Variants in SHANK2 observed in about 807,000 individuals in gnomAD.
SHANK2 encodes SH3 and multiple ankyrin repeat domains protein 2.
Under a neutral mutation model 133.7 loss-of-function variants are expected in SHANK2, and 43 were observed. That is an observed-to-expected ratio of 0.32 (90% CI 0.25 to 0.41). The LOEUF is 0.41. Ranked by LOEUF, SHANK2 falls within the 10% of genes least tolerant of loss-of-function variation. SHANK2 has a pLI of 1.00. For missense variants in SHANK2, 1,994 were observed against 2,235.8 expected (o/e 0.89, Z 2.18); for synonymous variants, 1,017 against 952.8 (o/e 1.07, Z -1.24).
At chr11:70,579,956 C>T (rs1318717742) in intron 17 of SHANK2, among the ~76,000 whole-genome samples, 2 of 152,224 alleles carry the variant, frequency 1.3e-5, no homozygotes, top group African/African-American at 4.8e-5. Flanking sequence ...GGCAAGGAAA[C>T]AGGCTCTCCT....
chr11:70,858,790 C>G (rs2135493192), intron 11 of SHANK2, among the ~76,000 whole-genome samples: 1 of 152,342 alleles, frequency 6.6e-6, no homozygotes, highest in Non-Finnish European at 1.5e-5. Context: ...TATGCACCTC[C>G]CACTCACACC....
intron 17 of SHANK2, among the ~76,000 whole-genome samples, chr11:70,514,291 T>C (rs567253296): frequency 2.6e-4 from 40 of 152,286 alleles, no homozygotes; most frequent in African/African-American, 9.6e-4. Context: ...TGGTGAAAAT[T>C]CTTTAAAGAA....
intron 3 of SHANK2, among the ~76,000 whole-genome samples, chr11:71,125,734 T>C (rs1207149301): frequency 2.0e-5 from 3 of 152,200 alleles, no homozygotes; most frequent in Non-Finnish European, 1.5e-5. Flanking sequence ...AGATTTTCAA[T>C]GTAGACAAGA....
chr11:70,646,121 A>G (rs782444918), intron 17 of SHANK2: 3 of 152,392 alleles, frequency 2.0e-5, no homozygotes, highest in Non-Finnish European at 4.4e-5. Context: ...GCATGCTGGT[A>G]GCCTGTGGCG....
intron 14 of SHANK2, among the ~76,000 whole-genome samples, chr11:70,736,320 T>C (rs966368082): frequency 2.6e-5 from 4 of 152,136 alleles, no homozygotes; most frequent in Non-Finnish European, 4.4e-5. Context: ...CCAAAAGATG[T>C]GACTGTACCC....
chr11:70,912,428 G>A (rs1000850237), intron 10 of SHANK2, among the ~76,000 whole-genome samples: 8 of 152,084 alleles, frequency 5.3e-5, no homozygotes, highest in Admixed American at 2.0e-4. Context: ...CACGGGGGCC[G>A]GTCTTTCCCA....
At chr11:70,506,369 CT>C (rs1362735960) in intron 17 of SHANK2, among the ~76,000 whole-genome samples, 4 of 152,222 alleles carry the variant, frequency 2.6e-5, no homozygotes, top group African/African-American at 9.6e-5. Context: ...ATTCCATCCC[CT>C]GTACCCCTCG....
intron 17 of SHANK2, among the ~76,000 whole-genome samples, chr11:70,555,838 C>G (rs1331353852): frequency 6.6e-6 from 1 of 152,208 alleles, no homozygotes; most frequent in Non-Finnish European, 1.5e-5. Context: ...GATAGAAAAT[C>G]AAGCCGGTCA....
chr11:70,832,403 C>G (rs554046564), intron 11 of SHANK2, among the ~76,000 whole-genome samples: 214 of 152,300 alleles, frequency 1.4e-3, no homozygotes, highest in Non-Finnish European at 1.6e-3. Flanking sequence ...CTGATCCAGG[C>G]AGCAGACAGA....
intron 10 of SHANK2, among the ~76,000 whole-genome samples, chr11:70,900,064 C>T (rs1950002105): frequency 6.6e-6 from 1 of 152,192 alleles, no homozygotes; most frequent in East Asian, 1.9e-4. Context: ...CCCTAAAAAA[C>T]TATGCTATGG....
intron 11 of SHANK2, among the ~76,000 whole-genome samples, chr11:70,828,771 G>A (rs1948684311): frequency 6.6e-6 from 1 of 152,206 alleles, no homozygotes; most frequent in South Asian, 2.1e-4. Context: ...AAGGCTGGGG[G>A]ACCCGGCTGG....
Position 71,097,707 on chromosome 11 carries a change from G to A in SHANK2, c.593-3019C>T, listed in dbSNP as rs1269480266. ...AGCGCAGCAGGAGGGCACTAGCCAC[G>A]GCTGTTTGTCCTGACACTGGGAGGT... On this transcript the variant is annotated intron_variant, in intron 6 of 25. Transcript: ENST00000601538. Among the ~76,000 whole-genome samples, 7 of 152,134 alleles carry A rather than the reference G, an allele frequency of 4.6e-5. No homozygotes were observed. In the East Asian group the frequency reaches 9.6e-4, roughly 21 times the overall value.
chr11:70,780,291 T>C (rs1947453126), intron 14 of SHANK2, among the ~76,000 whole-genome samples: 1 of 152,112 alleles, frequency 6.6e-6, no homozygotes, highest in African/African-American at 2.4e-5. Flanking sequence ...CTTGAGTTGG[T>C]ACAGGGGAAG....
At chr11:70,510,766 C>T (rs1387571325) in intron 17 of SHANK2, among the ~76,000 whole-genome samples, 1 of 152,142 alleles carries the variant, frequency 6.6e-6, no homozygotes, top group Non-Finnish European at 1.5e-5. Flanking sequence ...TGGAGTCCTC[C>T]CTAGGCTGGG....
chr11:70,761,708 A>T (rs1947000885), intron 14 of SHANK2, among the ~76,000 whole-genome samples: 1 of 152,164 alleles, frequency 6.6e-6, no homozygotes, highest in African/African-American at 2.4e-5. Context: ...GGGGCCTGGG[A>T]GCCTGCATTC....
intron 25 of SHANK2, among the ~76,000 whole-genome samples, chr11:70,480,069 G>T (rs2058713537): frequency 6.6e-6 from 1 of 152,280 alleles, no homozygotes; most frequent in South Asian, 2.1e-4. Flanking sequence ...CCAAGACTTT[G>T]CTGAAGCCCT....
chr11:70,817,598 G>A (rs117837069), intron 12 of SHANK2, among the ~76,000 whole-genome samples: 1,642 of 152,310 alleles, frequency 0.011, 78 homozygotes, highest in Admixed American at 0.074. Context: ...AGTCTTGGCC[G>A]AGCTCTGGGT....
At chr11:70,567,676 T>C (rs1270282772) in intron 17 of SHANK2, among the ~76,000 whole-genome samples, 1 of 150,178 alleles carries the variant, frequency 6.7e-6, no homozygotes, top group Non-Finnish European at 1.5e-5. Context: ...CAGACACACA[T>C]AGACAGACGA....
intron 3 of SHANK2, among the ~76,000 whole-genome samples, chr11:71,143,365 C>A (rs144586495): frequency 9.8e-4 from 149 of 152,352 alleles, no homozygotes; most frequent in African/African-American, 3.5e-3. Context: ...GGTATGCCTA[C>A]TTGCTAAAAT....
Sources: allele counts gnomAD v4.1 joint callset (sites outside exome capture counted in the v4.1 genomes callset), GRCh38; gene constraint gnomAD v4.1.1; transcripts MANE v1.5; gene names NCBI Gene and HGNC (gene_info 2026-07-23, HGNC 2026-07-21).